Variants in GOSR2 observed in about 807,000 individuals in gnomAD.
The protein encoded by GOSR2 is 27 kDa Golgi SNARE protein.
A neutral mutation model predicts 27.9 loss-of-function variants in GOSR2; 20 were observed. The observed-to-expected ratio is 0.72, with a 90% CI of 0.50 to 1.04. The LOEUF (loss-of-function observed/expected upper bound fraction) is 1.04. Ranked by LOEUF, GOSR2 falls within the 50% of genes least tolerant of loss-of-function variation. The pLI, the probability that GOSR2 is intolerant of heterozygous loss-of-function variation, is 0.00. For synonymous variants in GOSR2, 91 were observed against 98.8 expected (o/e 0.92, Z 0.47); for missense variants, 261 against 270.5 (o/e 0.97, Z 0.25).
chr17:46,934,681 G>T (rs534745255), intron 4 of GOSR2, among the ~76,000 whole-genome samples: 1 of 152,352 alleles, frequency 6.6e-6, no homozygotes, highest in South Asian at 2.1e-4. Flanking sequence ...GAACCAGCTA[G>T]GTTAGTGAGT....
intron 6 of GOSR2, chr17:46,966,405 C>CT: frequency 1.8e-6 from 1 of 565,994 alleles, no homozygotes; most frequent in Non-Finnish European, 3.2e-6. Flanking sequence ...ATACCTGGTC[C>CT]TTGTGACTTA....
Position 46,938,932 on chromosome 17 carries a change from A to G in GOSR2, c.*172A>G. The G allele has an allele frequency of 6.6e-7, 1 of 1,505,322 alleles. No homozygotes were observed. The allele number at this position is 1,505,322 out of a possible 1,614,324, so 93.2% of individuals were successfully genotyped here. On this transcript the variant is annotated 3_prime_UTR_variant, in exon 6 of 6. Transcript: ENST00000640051. ...TCCAACCTGCTCTGTTTTCTGTGACATCTTGGAGGGGGAGCTAGTGCCACC... is the reference window on the plus strand; with the variant it reads ...TCCAACCTGCTCTGTTTTCTGTGACGTCTTGGAGGGGGAGCTAGTGCCACC...
At chr17:46,975,467 C>T (rs1034666554) in exon 7 of GOSR2, 2 of 152,476 alleles carry the variant, frequency 1.3e-5, no homozygotes, top group African/African-American at 4.8e-5. Context: ...CTCATTCACT[C>T]TTACCTTATG....
rs1395130405 is a variant in GOSR2 at position 46,939,022 on chromosome 17, T to G, written c.*262T>G. On this transcript the variant is annotated 3_prime_UTR_variant, in exon 6 of 6. Transcript: ENST00000640051. ...CTGTCTCTCTCACTCTCGCTCTCACTGGGGGAGGGAAAGAATGGCTTTGGT... is the reference window on the plus strand; with the variant it reads ...CTGTCTCTCTCACTCTCGCTCTCACGGGGGGAGGGAAAGAATGGCTTTGGT... 7.7e-7 allele frequency: 1 copy of G among 1,306,606 alleles called. No homozygotes were observed. The allele number at this position is 1,306,606 out of a possible 1,614,324, so 80.9% of individuals were successfully genotyped here.
chr17:46,940,932 T>G lies in GOSR2; in HGVS notation c.*2172T>G. On this transcript the variant is annotated 3_prime_UTR_variant, in exon 6 of 6. Coordinates refer to ENST00000640051, the MANE Select transcript of GOSR2 (RefSeq NM_004287.5). ...TTCAGTGCCTGGTGAAAAATAGACC[T>G]TGGCCTAACAGTGTGACTCTCTCCA... 7.7e-7 allele frequency: 1 copy of G among 1,294,274 alleles called. No individual in the cohort carries two copies. Among genetic ancestry groups the G allele is most frequent in the Non-Finnish European group, 9.9e-7 (1 of 1,010,828 alleles). 80.2% of individuals were successfully genotyped at this position (1,294,274 alleles called of 1,614,324 possible).
chr17:46,939,785 T>C lies in GOSR2; in HGVS notation c.*1025T>C. Reference sequence around the variant, plus strand: ...AGGGACTACAACCTTTTTCCTTCTGTGACCAGCCCCGGATTCAGGCTGTAC... The same window carrying C: ...AGGGACTACAACCTTTTTCCTTCTGCGACCAGCCCCGGATTCAGGCTGTAC... On this transcript the variant is annotated 3_prime_UTR_variant, in exon 6 of 6. Coordinates refer to ENST00000640051, the MANE Select transcript of GOSR2 (RefSeq NM_004287.5). 1 of 987,596 alleles carries C rather than the reference T, an allele frequency of 1.0e-6. No individual in the cohort carries two copies. Among genetic ancestry groups the C allele is most frequent in the African/African-American group, 1.7e-5 (1 of 57,372 alleles). 61.2% of individuals were successfully genotyped at this position (987,596 alleles called of 1,614,324 possible).
At chr17:46,967,711 A>G (rs902876623), downstream of GOSR2, among the ~76,000 whole-genome samples, 1 of 151,806 alleles carries the variant, frequency 6.6e-6, no homozygotes, top group Non-Finnish European at 1.5e-5. Flanking sequence ...TGGCTCAAGC[A>G]TTCAGACAGT....
At chr17:46,938,354 G>A (rs1478875137) in intron 5 of GOSR2, among the ~76,000 whole-genome samples, 1 of 152,150 alleles carries the variant, frequency 6.6e-6, no homozygotes, top group African/African-American at 2.4e-5. Context: ...ATATTATATA[G>A]TCAGTCGTTC....
downstream of GOSR2, among the ~76,000 whole-genome samples, chr17:46,943,974 A>AG (rs912092413): frequency 1.3e-5 from 2 of 151,980 alleles, no homozygotes; most frequent in African/African-American, 2.4e-5. Flanking sequence ...ATCTAGGAAG[A>AG]GGGGGCTCTC....
chr17:46,973,299 C>T (rs967444643), intron 6 of GOSR2, among the ~76,000 whole-genome samples: 10 of 151,940 alleles, frequency 6.6e-5, no homozygotes, highest in Non-Finnish European at 1.5e-4. Context: ...CACTCTCACT[C>T]TGCTGCTGCT....
downstream of GOSR2, among the ~76,000 whole-genome samples, chr17:46,944,611 T>TTTTTTTTTTTTTTC (rs1491136111): frequency 5.3e-5 from 2 of 37,666 alleles, no homozygotes; most frequent in Non-Finnish European, 8.6e-5. Context: ...TTTAATTTTC[T>TTTTTTTTTTTTTTC]TTTTTTTTTT....
intron 1 of GOSR2, chr17:46,923,819 T>G (rs1263269551): frequency 1.0e-5 from 4 of 400,756 alleles, no homozygotes; most frequent in Non-Finnish European, 1.8e-5. Context: ...CTTGGTAGTG[T>G]CCTTTATTCG....
chr17:46,974,590 T>G (rs1012750909), intron 6 of GOSR2, among the ~76,000 whole-genome samples: 1 of 151,910 alleles, frequency 6.6e-6, no homozygotes, highest in Non-Finnish European at 1.5e-5. Context: ...AAAAATTAGC[T>G]GGGCGTGGTG....
intron 5 of GOSR2, 87 bp from the exon 6 acceptor site, chr17:46,938,512 G>T: frequency 6.2e-7 from 1 of 1,601,032 alleles, no homozygotes; most frequent in South Asian, 1.1e-5. Flanking sequence ...AATGTCTGTT[G>T]GCAAAGCTCC....
intron 6 of GOSR2, among the ~76,000 whole-genome samples, chr17:46,960,770 G>A (rs574584181): frequency 2.0e-5 from 3 of 152,336 alleles, no homozygotes; most frequent in South Asian, 4.1e-4. Flanking sequence ...AGCTTATTGG[G>A]TGATTCCATT....
intron 4 of GOSR2, chr17:46,932,948 A>G (rs1235843956): frequency 6.6e-6 from 1 of 152,414 alleles, no homozygotes; most frequent in Non-Finnish European, 1.5e-5. Context: ...TAAAATTCAC[A>G]TCATTTCCTG....
chr17:46,949,603 C>CG (rs1310895437), intron 6 of GOSR2, among the ~76,000 whole-genome samples: 1 of 152,158 alleles, frequency 6.6e-6, no homozygotes, highest in East Asian at 1.9e-4. Flanking sequence ...ATGATGCTCA[C>CG]GTCTAGCTGG....
rs1264003809 is a variant in GOSR2 at position 46,932,619 on chromosome 17, A to G, written c.336+420A>G. ...CGAGTATGTGTGTGGCTCCAGTGTC[A>G]GGTGCATTAAGATGTTTTTGCCCCT... On this transcript the variant is annotated intron_variant, in intron 4 of 5. Coordinates refer to ENST00000640051, the MANE Select transcript of GOSR2 (RefSeq NM_004287.5). 8 of 343,238 alleles carry G rather than the reference A, an allele frequency of 2.3e-5. No individual in the cohort carries two copies. In the East Asian group the frequency reaches 3.8e-4, roughly 16 times the overall value. 21.3% of individuals were successfully genotyped at this position (343,238 alleles called of 1,614,324 possible). A position where few individuals can be genotyped will look rare whatever the true frequency, so the allele number is the denominator to read the frequency against.
chr17:46,928,114 T>C (rs1245641817), intron 1 of GOSR2, among the ~76,000 whole-genome samples: 1 of 152,030 alleles, frequency 6.6e-6, no homozygotes, highest in Non-Finnish European at 1.5e-5. Context: ...CAGACTTACT[T>C]TCCGGAAGCA....
Sources: allele counts gnomAD v4.1 joint callset (sites outside exome capture counted in the v4.1 genomes callset), GRCh38; gene constraint gnomAD v4.1.1; transcripts MANE v1.5; gene names NCBI Gene and HGNC (gene_info 2026-07-23, HGNC 2026-07-21).